The following SDK1 variants were observed in gnomAD, a reference collection of about 807,000 sequenced individuals.
The protein encoded by SDK1 is protein sidekick-1.
Under a neutral mutation model 245.5 loss-of-function variants are expected in SDK1, and 157 were observed. The ratio of observed to expected loss-of-function variants is 0.64; its 90% CI spans 0.56 to 0.73. The LOEUF (loss-of-function observed/expected upper bound fraction) is 0.73. Ranked by LOEUF, SDK1 falls within the 30% of genes least tolerant of loss-of-function variation. The pLI, the probability that SDK1 is intolerant of heterozygous loss-of-function variation, is 0.00. For missense variants in SDK1, 3,583 were observed against 3,002.3 expected (o/e 1.19, Z -4.52); for synonymous variants, 1,647 against 1,278.5 (o/e 1.29, Z -6.15).
intron 1 of SDK1, among the ~76,000 whole-genome samples, chr7:3,446,999 T>C (rs1333173020): frequency 6.6e-6 from 1 of 152,078 alleles, no homozygotes; most frequent in African/African-American, 2.4e-5. Flanking sequence ...GCAATCTGAG[T>C]GAATCATGAT....
At chr7:4,217,174 A>AC (rs1307198231) in intron 38 of SDK1, among the ~76,000 whole-genome samples, 2 of 105,726 alleles carry the variant, frequency 1.9e-5, no homozygotes, top group African/African-American at 7.4e-5. Flanking sequence ...GGAGCACCAC[A>AC]CCCCCCGGAG....
chr7:3,940,345 T>C (rs1345379708), intron 5 of SDK1, among the ~76,000 whole-genome samples: 3 of 152,260 alleles, frequency 2.0e-5, no homozygotes, highest in African/African-American at 7.2e-5. Context: ...TGTATAGCTC[T>C]GCATTCCTTA....
At position 4,264,245 on chromosome 7, in the gene SDK1, G is replaced by A. The variant is rs113465125; in HGVS notation, c.6382-879G>A. On this transcript the variant is annotated intron_variant, in intron 44 of 44. Transcript: ENST00000404826. ...TAGACCTCTCCTGAGTGGGGAGGCC[G>A]CGTAGACCTCTCCTGAGTGGGGAGG... 1.1e-3 allele frequency among the ~76,000 whole-genome samples: 62 copies of A among 58,356 alleles called. 11 individuals are homozygous for A. Among genetic ancestry groups the A allele is most frequent in the African/African-American group, 1.2e-3 (16 of 13,792 alleles). The allele number at this position is 58,356 out of a possible 152,430, so 38.3% of individuals were successfully genotyped here.
intron 1 of SDK1, among the ~76,000 whole-genome samples, chr7:3,495,772 T>G (rs1450371559): frequency 1.3e-5 from 2 of 152,248 alleles, no homozygotes; most frequent in African/African-American, 4.8e-5. Flanking sequence ...TTTGTCCTCG[T>G]GGACCCAGTT....
rs969416302 is a variant in SDK1 at position 3,792,755 on chromosome 7, T to G, written c.714-28695T>G. On this transcript the variant is annotated intron_variant, in intron 4 of 44. Coordinates refer to ENST00000404826, the MANE Select transcript of SDK1 (RefSeq NM_152744.4). The stretch of plus-strand genomic sequence containing the variant: ...ATCCATCCGTCCAACTACTACCCCC[T>G]CCCCCTCCAGTCTCCCATCCACCCA... Among the ~76,000 whole-genome samples, 8 of 151,098 alleles carry G rather than the reference T, an allele frequency of 5.3e-5. 1 individual carries two copies. The East Asian group carries it at 5.8e-4, about 11-fold the overall frequency.
chr7:3,822,648 A>T (rs1472576906), intron 5 of SDK1, among the ~76,000 whole-genome samples: 5 of 152,016 alleles, frequency 3.3e-5, no homozygotes, highest in African/African-American at 1.2e-4. Flanking sequence ...TGCACCTGTA[A>T]TTCCAGCTAC....
chr7:4,013,914 G>T (rs1329578079), intron 16 of SDK1, among the ~76,000 whole-genome samples: 3 of 152,230 alleles, frequency 2.0e-5, no homozygotes, highest in Non-Finnish European at 4.4e-5. Flanking sequence ...TCTGGTTCCT[G>T]TTGATCCCCT....
intron 4 of SDK1, among the ~76,000 whole-genome samples, chr7:3,681,356 A>G (rs1201327431): frequency 6.6e-6 from 1 of 152,044 alleles, no homozygotes; most frequent in Non-Finnish European, 1.5e-5. Flanking sequence ...CAGTGAGTTC[A>G]TTCATTTTAA....
chr7:3,425,898 C>G (rs1301125225), intron 1 of SDK1, among the ~76,000 whole-genome samples: 1 of 149,392 alleles, frequency 6.7e-6, no homozygotes, highest in African/African-American at 2.5e-5. Context: ...ACAATAGGAG[C>G]CCACATAGGA....
rs368472430 is a variant in SDK1, at chr7:3,439,116, G to A, written c.298+137232G>A. 9.2e-5 allele frequency among the ~76,000 whole-genome samples: 14 copies of A among 152,060 alleles called. No homozygotes were observed. In the East Asian group the frequency reaches 2.1e-3, roughly 23 times the overall value. On this transcript the variant is annotated intron_variant, in intron 1 of 44. Transcript: ENST00000404826. The stretch of plus-strand genomic sequence containing the variant: ...GATCAGCCTGCCTCAGCCTCCCAAA[G>A]TGCTGGGATTACAGGTGTGAATCAC...
At chr7:3,758,646 C>G (rs1339835621) in intron 4 of SDK1, among the ~76,000 whole-genome samples, 1 of 152,192 alleles carries the variant, frequency 6.6e-6, no homozygotes, top group East Asian at 1.9e-4. Context: ...ACTTACTCTG[C>G]ACTGTGAGAT....
intron 1 of SDK1, among the ~76,000 whole-genome samples, chr7:3,306,549 T>G (rs1173152178): frequency 6.6e-6 from 1 of 152,208 alleles, no homozygotes; most frequent in Non-Finnish European, 1.5e-5. Flanking sequence ...TAGCACACAT[T>G]TTATGTAAAC....
At chr7:4,238,001 C>G (rs983019702) in intron 42 of SDK1, among the ~76,000 whole-genome samples, 3 of 152,188 alleles carry the variant, frequency 2.0e-5, no homozygotes, top group East Asian at 3.9e-4. Context: ...CCTGCCTGCC[C>G]TCAGATTAAC....
rs557046325 is a variant in SDK1 at position 3,491,920 on chromosome 7, C to G, written c.299-127160C>G. Among the ~76,000 whole-genome samples, 67 of 152,218 alleles carry G rather than the reference C, an allele frequency of 4.4e-4. 2 individuals are homozygous for G. The South Asian group carries it at 0.013, about 31-fold the overall frequency. Reference sequence around the variant, plus strand: ...AACATTGGTAACAGTATATTGATGACCACTGTTTAGCTGATACAGTGAATA... The same window carrying G: ...AACATTGGTAACAGTATATTGATGAGCACTGTTTAGCTGATACAGTGAATA... On this transcript the variant is annotated intron_variant, in intron 1 of 44. Coordinates refer to ENST00000404826, the MANE Select transcript of SDK1 (RefSeq NM_152744.4).
At chr7:3,961,537 G>A (rs975121130) in intron 8 of SDK1, among the ~76,000 whole-genome samples, 4 of 152,220 alleles carry the variant, frequency 2.6e-5, no homozygotes, top group Admixed American at 6.5e-5. Flanking sequence ...AGAACCATCT[G>A]AGATCTAGAG....
intron 1 of SDK1, among the ~76,000 whole-genome samples, chr7:3,507,282 A>T (rs1389073460): frequency 6.6e-6 from 1 of 152,188 alleles, no homozygotes; most frequent in Non-Finnish European, 1.5e-5. Context: ...CGTAGTATTC[A>T]GACAAAAACC....
At chr7:3,320,069 C>T (rs1016369031) in intron 1 of SDK1, among the ~76,000 whole-genome samples, 1 of 151,712 alleles carries the variant, frequency 6.6e-6, no homozygotes, top group Non-Finnish European at 1.5e-5. Context: ...TGAAATTGTT[C>T]TCCCCAATTT....
At chr7:3,565,309 G>A (rs1456828702) in intron 1 of SDK1, among the ~76,000 whole-genome samples, 1 of 152,058 alleles carries the variant, frequency 6.6e-6, no homozygotes, top group Admixed American at 6.6e-5. Flanking sequence ...TGGGAAATAT[G>A]GTTGTTATCT....
intron 35 of SDK1, among the ~76,000 whole-genome samples, chr7:4,188,834 C>T (rs1278726191): frequency 2.0e-5 from 3 of 152,058 alleles, no homozygotes; most frequent in Non-Finnish European, 2.9e-5. Context: ...CTTTGTGGTG[C>T]GTCTTAATCA....
Sources: allele counts gnomAD v4.1 joint callset (sites outside exome capture counted in the v4.1 genomes callset), GRCh38; gene constraint gnomAD v4.1.1; transcripts MANE v1.5; gene names NCBI Gene and HGNC (gene_info 2026-07-23, HGNC 2026-07-21).